IPP: variants seen among roughly 807,000 people sequenced by gnomAD.
IPP encodes the protein intracisternal A particle-promoted polypeptide.
IPP carries 41 observed loss-of-function variants against 64.1 expected under a neutral mutation model. The ratio of observed to expected loss-of-function variants is 0.64; its 90% CI spans 0.50 to 0.83. IPP has a LOEUF of 0.83. Ranked by LOEUF, IPP falls within the 40% of genes least tolerant of loss-of-function variation. The probability of loss-of-function intolerance (pLI) is 0.00; values close to 1 mark genes in which losing one functional copy is unlikely to be tolerated. For synonymous variants in IPP, 214 were observed against 235.2 expected, an observed-to-expected ratio of 0.91 and a Z score of 0.83; for missense variants, 649 against 703.0, an observed-to-expected ratio of 0.92 and a Z score of 0.87.
intron 8 of IPP, among the ~76,000 whole-genome samples, chr1:45,712,529 T>C (rs1645603936): frequency 6.6e-6 from 1 of 151,798 alleles, no homozygotes. Flanking sequence ...TTACAACCCA[T>C]TAGTCAAACA....
intron 3 of IPP, among the ~76,000 whole-genome samples, chr1:45,736,867 G>A (rs927684353): frequency 1.3e-5 from 2 of 151,378 alleles, no homozygotes; most frequent in East Asian, 1.9e-4. Context: ...GTGAAACCCC[G>A]TCTCTGCTAA....
intron 2 of IPP, 30 bp from the exon 3 acceptor site, chr1:45,741,362 T>A (rs759431619): frequency 6.9e-7 from 1 of 1,457,224 alleles, no homozygotes; most frequent in South Asian, 1.3e-5. Context: ...AAATGGCCAA[T>A]AAAATAAAAA....
At chr1:45,714,785 G>T (rs1302810471) in intron 7 of IPP, among the ~76,000 whole-genome samples, 2 of 111,788 alleles carry the variant, frequency 1.8e-5, no homozygotes, top group Admixed American at 9.6e-5. Context: ...AACAGGAAAG[G>T]AACATGGATT....
chr1:45,699,475 G>A lies in IPP; in HGVS notation c.*491C>T. The A allele has an allele frequency of 3.0e-6, 3 of 988,204 alleles. No individual in the cohort carries two copies. Among genetic ancestry groups the A allele is most frequent in the Non-Finnish European group, 3.6e-6 (3 of 831,460 alleles). The allele number at this position is 988,204 out of a possible 1,614,324, so 61.2% of individuals were successfully genotyped here. Reference sequence around the variant, plus strand: ...AGTAGCTAAAGGGACTATTTGCCAGGAAGCTTCTAGTAAATAATTTCTACA... The same window carrying A: ...AGTAGCTAAAGGGACTATTTGCCAGAAAGCTTCTAGTAAATAATTTCTACA... On this transcript the variant is annotated 3_prime_UTR_variant, in exon 9 of 9. Coordinates refer to ENST00000396478, the MANE Select transcript of IPP (RefSeq NM_005897.3).
rs1553194762 is a variant in IPP at position 45,749,527 on chromosome 1, T to TTTTTGTTTTTTG, written c.-51+1069_-51+1070insCAAAAAACAAAA. On this transcript the variant is annotated intron_variant, in intron 1 of 8. Coordinates refer to ENST00000396478, the MANE Select transcript of IPP (RefSeq NM_005897.3). Reference sequence around the variant, plus strand: ...TTTTTGTTTTGTTTTTGTTTTTTGTTTTTTTTTTTTTGAGACGGAGTCTCG... The same window carrying TTTTTGTTTTTTG: ...TTTTTGTTTTGTTTTTGTTTTTTGTTTTTTGTTTTTTGTTTTTTTTTTTGAGACGGAGTCTCG... Among the ~76,000 whole-genome samples the TTTTTGTTTTTTG allele has an allele frequency of 1.8e-3, 142 of 77,976 alleles. 1 individual carries two copies. The East Asian group carries it at 0.027, about 15-fold the overall frequency. 51.2% of individuals were successfully genotyped at this position (77,976 alleles called of 152,430 possible). A position where few individuals can be genotyped will look rare whatever the true frequency, so the allele number is the denominator to read the frequency against.
chr1:45,702,060 G>T (rs1645462178), intron 8 of IPP, among the ~76,000 whole-genome samples: 1 of 152,126 alleles, frequency 6.6e-6, no homozygotes, highest in African/African-American at 2.4e-5. Context: ...TTCTCAAGAA[G>T]ATCCATTTCT....
In IPP at chr1:45,746,209, C is replaced by T; in HGVS notation, c.203G>A (p.Gly68Glu). Residue 68 changes from glycine (G) to glutamate (E), a missense_variant, in exon 2 of 9, where the codon GGA becomes GAA. Transcript: ENST00000396478. The part of the protein sequence containing the change: ...SSPYFAALFT[G>E]GMKESSKDVV... ...ATCTTTTGAGGACTCTTTCATTCCT[C>T]CAGTGAACAAAGCTGCAAAGTAAGG... 1 of 1,614,138 alleles carries T rather than the reference C, an allele frequency of 6.2e-7. No homozygotes were observed. The highest frequency in any genetic ancestry group is 8.5e-7 in the Non-Finnish European group (1 of 1,179,980).
At chr1:45,733,348 C>T (rs1645935363) in intron 3 of IPP, among the ~76,000 whole-genome samples, 1 of 151,872 alleles carries the variant, frequency 6.6e-6, no homozygotes, top group African/African-American at 2.4e-5. Flanking sequence ...ATTGCTTGAA[C>T]CCAGCAGGCA....
intron 8 of IPP, among the ~76,000 whole-genome samples, chr1:45,713,264 GA>G (rs1024592061): frequency 3.1e-4 from 45 of 147,194 alleles, no homozygotes; most frequent in Admixed American, 4.7e-4. Flanking sequence ...CCTAACCATA[GA>G]AAAAAAAAAA....
intron 8 of IPP, among the ~76,000 whole-genome samples, chr1:45,706,276 G>A (rs1158686290): frequency 1.3e-5 from 2 of 152,012 alleles, no homozygotes; most frequent in African/African-American, 4.8e-5. Flanking sequence ...TAAAGGAAGG[G>A]CTACTCTAGA....
In IPP at chr1:45,729,674, A is replaced by T. The variant is rs779382599; in HGVS notation, c.820T>A (p.Phe274Ile). 6.2e-7 allele frequency: 1 copy of T among 1,613,218 alleles called. No homozygotes were observed. The highest frequency in any genetic ancestry group is 1.1e-5 in the South Asian group (1 of 90,994). ...GGTCGAACCTTAGATGTCTGCAGAA[A>T]ACTACAAAACTTGTTCTCTTTGGGA... ...KSPKENKFCS[F>I]LQTSKVRPRK... Residue 274 changes from phenylalanine to isoleucine, a missense_variant, in exon 4 of 9, where the codon TTT becomes ATT. Physicochemically the swap from Phe to Ile is conservative, Grantham distance 21. Transcript: ENST00000396478.
intron 8 of IPP, among the ~76,000 whole-genome samples, chr1:45,704,685 A>G (rs905635209): frequency 1.3e-5 from 2 of 152,260 alleles, no homozygotes; most frequent in Non-Finnish European, 2.9e-5. Flanking sequence ...ATATTTACAG[A>G]TGAATATGTG....
chr1:45,732,131 G>A (rs756352461), intron 3 of IPP, among the ~76,000 whole-genome samples: 61 of 152,054 alleles, frequency 4.0e-4, no homozygotes, highest in East Asian at 7.7e-4. Flanking sequence ...AAGCTATGGC[G>A]GGTGGATCAC....
chr1:45,748,234 T>A (rs1186573786), intron 1 of IPP, among the ~76,000 whole-genome samples: 1 of 152,206 alleles, frequency 6.6e-6, no homozygotes, highest in Non-Finnish European at 1.5e-5. Flanking sequence ...ATACATTATA[T>A]ACATGTATCA....
At chr1:45,727,837 G>C in intron 4 of IPP, 39 bp from the exon 5 acceptor site, 1 of 1,410,214 alleles carries the variant, frequency 7.1e-7, no homozygotes, top group Admixed American at 2.0e-5. Context: ...AAAATCTACT[G>C]TTCTACATCT....
intron 1 of IPP, among the ~76,000 whole-genome samples, chr1:45,749,282 G>T (rs1424387056): frequency 6.6e-6 from 1 of 152,184 alleles, no homozygotes; most frequent in Non-Finnish European, 1.5e-5. Context: ...AGTAACTGCT[G>T]ATACCATCCC....
At chr1:45,718,571 C>T (rs1262424167) in intron 6 of IPP, among the ~76,000 whole-genome samples, 1 of 151,272 alleles carries the variant, frequency 6.6e-6, no homozygotes, top group Admixed American at 6.6e-5. Flanking sequence ...GGAGCACCCC[C>T]TCCAATCCCT....
chr1:45,723,890 C>A lies in IPP; in HGVS notation c.1048+3741G>T, dbSNP rs1645765806. Among the ~76,000 whole-genome samples the A allele has an allele frequency of 2.0e-5, 3 of 151,912 alleles. No homozygotes were observed. In the South Asian group the frequency reaches 6.2e-4, roughly 31 times the overall value. On this transcript the variant is annotated intron_variant, in intron 5 of 8. Transcript: ENST00000396478. ...TTTTTTTTATATACAGTTTGGGTGC[C>A]ATGGCTCACATTTGTAATCCCAGCA...
At position 45,746,352 on chromosome 1, in the gene IPP, G is replaced by A; in HGVS notation, c.60C>T (p.Ala20=). Residue 20 remains alanine (A), a synonymous_variant, in exon 2 of 9, where the codon GCC becomes GCT. Coordinates refer to ENST00000396478, the MANE Select transcript of IPP (RefSeq NM_005897.3). ...TATTGATTTGGGCCAAGATGAGTTG[G>A]GCATGTTTATCTGATGAAAAAGGAC... ...ADSPFSSDKH[A]QLILAQINKM... 1 of 1,613,718 alleles carries A rather than the reference G, an allele frequency of 6.2e-7. No individual in the cohort carries two copies. Among genetic ancestry groups the A allele is most frequent in the Non-Finnish European group, 8.5e-7 (1 of 1,179,670 alleles).
Sources: allele counts gnomAD v4.1 joint callset (sites outside exome capture counted in the v4.1 genomes callset), GRCh38; gene constraint gnomAD v4.1.1; transcripts MANE v1.5; gene names NCBI Gene and HGNC (gene_info 2026-07-23, HGNC 2026-07-21).